PARN: variants seen among roughly 807,000 people sequenced by gnomAD.
The protein encoded by PARN is poly(A)-specific ribonuclease PARN.
In PARN, 71 loss-of-function variants were observed where a neutral mutation model predicts 102.8. The ratio of observed to expected loss-of-function variants is 0.69; its 90% CI spans 0.57 to 0.84. The LOEUF is 0.84. Ranked by LOEUF, PARN falls within the 40% of genes least tolerant of loss-of-function variation. The probability of loss-of-function intolerance (pLI) is 0.00; values close to 1 mark genes in which losing one functional copy is unlikely to be tolerated. For synonymous variants in PARN, 261 were observed against 252.9 expected (o/e 1.03, Z -0.30); for missense variants, 782 against 760.9 (o/e 1.03, Z -0.33).
At chr16:14,622,036 T>C (rs1972336730) in intron 5 of PARN, among the ~76,000 whole-genome samples, 1 of 151,386 alleles carries the variant, frequency 6.6e-6, no homozygotes, top group African/African-American at 2.4e-5. Context: ...CTACTAAAAA[T>C]ACAAAAATTA....
chr16:14,627,462 C>G (rs978496297), intron 3 of PARN, 126 bp from the exon 4 acceptor site: 1 of 655,940 alleles, frequency 1.5e-6, no homozygotes, highest in Non-Finnish European at 2.7e-6. Context: ...CCAATTAGAA[C>G]AGATTACACA....
intron 23 of PARN, 63 bp from the exon 24 acceptor site, chr16:14,436,835 G>C (rs557294569): frequency 1.7e-6 from 2 of 1,197,822 alleles, no homozygotes; most frequent in Non-Finnish European, 2.4e-6. Flanking sequence ...AGGAGAGCAT[G>C]ACATGACCAG....
chr16:14,527,619 T>A (rs1966077258), intron 21 of PARN, among the ~76,000 whole-genome samples: 1 of 152,332 alleles, frequency 6.6e-6, no homozygotes, highest in African/African-American at 2.4e-5. Context: ...TGTGTTTCTG[T>A]TTAAAGACAT....
chr16:14,482,451 C>G (rs1963433317), intron 22 of PARN, among the ~76,000 whole-genome samples, 187 bp downstream of exon 22: 1 of 152,068 alleles, frequency 6.6e-6, no homozygotes, highest in African/African-American at 2.4e-5. Flanking sequence ...ACCAAAATGG[C>G]TATGGTCTAT....
intron 12 of PARN, among the ~76,000 whole-genome samples, chr16:14,596,066 G>A (rs1241310455): frequency 6.6e-6 from 1 of 152,180 alleles, no homozygotes; most frequent in Non-Finnish European, 1.5e-5. Context: ...ATGGTTCTTA[G>A]TTCTGTCCAG....
chr16:14,622,024 C>A (rs751517077), intron 5 of PARN, among the ~76,000 whole-genome samples: 12 of 151,852 alleles, frequency 7.9e-5, no homozygotes, highest in Non-Finnish European at 1.5e-4. Context: ...GAAACTCTGT[C>A]CCTACTAAAA....
intron 21 of PARN, among the ~76,000 whole-genome samples, chr16:14,540,106 G>T (rs913536835): frequency 6.6e-6 from 1 of 152,104 alleles, no homozygotes; most frequent in Non-Finnish European, 1.5e-5. Flanking sequence ...GATACCAAGG[G>T]ACAACTGAAC....
chr16:14,526,658 T>G (rs1966028082), intron 21 of PARN, among the ~76,000 whole-genome samples: 1 of 152,236 alleles, frequency 6.6e-6, no homozygotes, highest in Non-Finnish European at 1.5e-5. Context: ...GAGATTCATC[T>G]GCAGAAAATA....
Position 14,500,828 on chromosome 16 carries a change from A to ATAG in PARN, c.1481-18004_1481-18002dup, listed in dbSNP as rs1964548843. Among the ~76,000 whole-genome samples, 3 of 152,262 alleles carry ATAG rather than the reference A, an allele frequency of 2.0e-5. No individual in the cohort carries two copies. The South Asian group carries it at 6.2e-4, about 32-fold the overall frequency. Reference sequence around the variant, plus strand: ...CCCCATTTTTCCAGTGAGCTCACAGATAGTACCCTGTGCCCTATGTCAGCT... The same window carrying ATAG: ...CCCCATTTTTCCAGTGAGCTCACAGATAGTAGTACCCTGTGCCCTATGTCAGCT... On this transcript the variant is annotated intron_variant, in intron 21 of 23. Coordinates refer to ENST00000437198, the MANE Select transcript of PARN (RefSeq NM_002582.4).
intron 21 of PARN, among the ~76,000 whole-genome samples, chr16:14,524,551 G>T (rs183016026): frequency 1.3e-5 from 2 of 152,074 alleles, no homozygotes; most frequent in African/African-American, 4.8e-5. Flanking sequence ...GACAAGGAGG[G>T]GAAAAGCTCC....
intron 22 of PARN, among the ~76,000 whole-genome samples, chr16:14,477,439 C>CAAA (rs796238081): frequency 3.9e-5 from 4 of 102,642 alleles, no homozygotes; most frequent in African/African-American, 1.0e-4. Flanking sequence ...GAGTTCGTCT[C>CAAA]AAAAAAAAAA....
chr16:14,606,420 G>T, intron 10 of PARN, 64 bp downstream of exon 10: 276 of 717,624 alleles, frequency 3.8e-4, no homozygotes, highest in Non-Finnish European at 5.5e-4. Flanking sequence ...AAAAAAAAAA[G>T]AAACCCCTAA....
chr16:14,629,800 C>T (rs927984287), intron 1 of PARN, 126 bp from the exon 2 acceptor site: 2 of 761,480 alleles, frequency 2.6e-6, no homozygotes, highest in Non-Finnish European at 2.3e-6. Context: ...AGGTGTGCAC[C>T]GGGGCGAGGG....
intron 22 of PARN, among the ~76,000 whole-genome samples, chr16:14,468,184 G>A (rs768805183): frequency 6.6e-6 from 1 of 152,234 alleles, no homozygotes; most frequent in Non-Finnish European, 1.5e-5. Context: ...TTTGGGAAGA[G>A]AGAGAGGAGG....
intron 13 of PARN, among the ~76,000 whole-genome samples, chr16:14,588,068 C>A (rs980989508): frequency 1.3e-5 from 2 of 152,132 alleles, no homozygotes; most frequent in African/African-American, 4.8e-5. Context: ...GTACAATGTT[C>A]TGTGGGAGTT....
intron 23 of PARN, among the ~76,000 whole-genome samples, chr16:14,446,467 T>C (rs1282358232): frequency 6.6e-6 from 1 of 152,224 alleles, no homozygotes; most frequent in Non-Finnish European, 1.5e-5. Flanking sequence ...GCTTCTTATA[T>C]AATTCTGCTT....
In PARN at chr16:14,534,838, T is replaced by C. The variant is rs113877811; in HGVS notation, c.1480+17183A>G. ...ATGTAAAGTTTCATTTCTAAATTTT[T>C]TTTTTTTTTTTTGGAGACAGAATTT... On this transcript the variant is annotated intron_variant, in intron 21 of 23. Coordinates refer to ENST00000437198, the MANE Select transcript of PARN (RefSeq NM_002582.4). 8.1e-3 allele frequency among the ~76,000 whole-genome samples: 1,231 copies of C among 151,900 alleles called. 9 individuals are homozygous for C. Among genetic ancestry groups the C allele is most frequent in the Non-Finnish European group, 0.013 (900 of 67,920 alleles).
chr16:14,595,091 G>A (rs191770177), intron 12 of PARN, among the ~76,000 whole-genome samples: 16 of 152,204 alleles, frequency 1.1e-4, no homozygotes, highest in African/African-American at 2.9e-4. Flanking sequence ...AAAACAAAAC[G>A]AATTGCACAT....
intron 21 of PARN, among the ~76,000 whole-genome samples, chr16:14,518,679 T>A (rs1438959720): frequency 6.6e-6 from 1 of 152,110 alleles, no homozygotes; most frequent in African/African-American, 2.4e-5. Context: ...TACTTTTAAA[T>A]AGTTACTCAT....
Sources: allele counts gnomAD v4.1 joint callset (sites outside exome capture counted in the v4.1 genomes callset), GRCh38; gene constraint gnomAD v4.1.1; transcripts MANE v1.5; gene names NCBI Gene and HGNC (gene_info 2026-07-23, HGNC 2026-07-21).